Variants in TOP2A observed in about 807,000 individuals in gnomAD.
TOP2A encodes DNA topoisomerase 2-alpha.
Under a neutral mutation model 187.2 loss-of-function variants are expected in TOP2A, and 68 were observed. That is an observed-to-expected ratio of 0.36 (90% CI 0.30 to 0.44). The LOEUF (loss-of-function observed/expected upper bound fraction) is 0.44, where lower values mean the gene tolerates loss of function less well. Among genes scored for constraint, TOP2A ranks in the 20% least tolerant of loss-of-function variants. The pLI, the probability that TOP2A is intolerant of heterozygous loss-of-function variation, is 1.00. For missense variants in TOP2A, 1,196 were observed against 1,808.7 expected (o/e 0.66, Z 6.14); for synonymous variants, 542 against 593.2 (o/e 0.91, Z 1.25).
intron 16 of TOP2A, among the ~76,000 whole-genome samples, chr17:40,405,775 CT>C (rs200680545): frequency 4.1e-5 from 6 of 145,530 alleles, no homozygotes; most frequent in Admixed American, 1.4e-4. Context: ...GGCCTTTTTC[CT>C]TTTTTTTTGA....
intron 2 of TOP2A, 22 bp from the exon 3 acceptor site, chr17:40,416,534 A>G: frequency 6.5e-7 from 1 of 1,529,448 alleles, no homozygotes; most frequent in Non-Finnish European, 9.0e-7. Context: ...GCAAAGAAAT[A>G]CTGTTATTTT....
At chr17:40,416,962 C>A (rs1598621768) in intron 1 of TOP2A, 67 bp from the exon 2 acceptor site, 1 of 1,350,762 alleles carries the variant, frequency 7.4e-7, no homozygotes, top group East Asian at 2.3e-5. Flanking sequence ...AAACTAGGAA[C>A]AAAATGCCTA....
At chr17:40,409,518 G>C (rs1175183279) in intron 10 of TOP2A, 2 of 437,426 alleles carry the variant, frequency 4.6e-6, no homozygotes, top group Non-Finnish European at 9.1e-6. Context: ...CAGCACTTTA[G>C]GAGGCCGAGG....
At chr17:40,408,416 T>C in intron 11 of TOP2A, 76 bp downstream of exon 11, 2 of 1,397,938 alleles carry the variant, frequency 1.4e-6, no homozygotes, top group South Asian at 2.8e-5. Flanking sequence ...GAAAAATAAA[T>C]ATCCGTGGTA....
In TOP2A at chr17:40,411,516, A is replaced by T; in HGVS notation, c.964-61T>A. ...ATCCTCAAAATTATAATAATCAAACATTAAAAACTAATTTAACCTCCTTTA... is the reference window on the plus strand; with the variant it reads ...ATCCTCAAAATTATAATAATCAAACTTTAAAAACTAATTTAACCTCCTTTA... On this transcript the variant is annotated intron_variant, in intron 8 of 34. Coordinates refer to ENST00000423485, the MANE Select transcript of TOP2A (RefSeq NM_001067.4). The surrounding 1 kb of genome is among the most constrained non-coding windows in gnomAD (Gnocchi z 4.4). 1 of 1,578,606 alleles carries T rather than the reference A, an allele frequency of 6.3e-7. No individual in the cohort carries two copies. Among genetic ancestry groups the T allele is most frequent in the Non-Finnish European group, 8.7e-7 (1 of 1,148,132 alleles).
In TOP2A at chr17:40,401,753, A is replaced by C. The variant is rs147906362; in HGVS notation, c.2433-672T>G. Among the ~76,000 whole-genome samples the C allele has an allele frequency of 3.3e-3, 500 of 152,174 alleles. 2 individuals carry two copies. Among genetic ancestry groups the C allele is most frequent in the African/African-American group, 0.012 (479 of 41,544 alleles). On this transcript the variant is annotated intron_variant, in intron 20 of 34. Transcript: ENST00000423485. Reference sequence around the variant, plus strand: ...AAAAAACAAACTGAGGGACTGAACCATGTGGATATCTAGAGAAAGAGTGTT... The same window carrying C: ...AAAAAACAAACTGAGGGACTGAACCCTGTGGATATCTAGAGAAAGAGTGTT...
intron 6 of TOP2A, 57 bp downstream of exon 6, chr17:40,413,138 A>G (rs1268587784): frequency 2.9e-6 from 4 of 1,363,712 alleles, no homozygotes; most frequent in Non-Finnish European, 2.0e-6. Flanking sequence ...TAATGCCATT[A>G]TAAATGGCTA....
Position 40,392,720 on chromosome 17 carries a change from GTTTC to G in TOP2A, c.3825_3828del (p.Lys1275AsnfsTer94). On this transcript the variant is annotated frameshift_variant, in exon 30 of 35. Coordinates refer to ENST00000423485, the MANE Select transcript of TOP2A (RefSeq NM_001067.4). LOFTEE classifies it high-confidence loss of function. ...ATTGGCTTAAATGCCAATGTAGTTT[GTTTC>G]TTTGTCTTTGTACCTAGAGGGGAGA... 1.2e-6 allele frequency: 2 copies of G among 1,610,584 alleles called. No individual in the cohort carries two copies. Among genetic ancestry groups the G allele is most frequent in the Non-Finnish European group, 8.5e-7 (1 of 1,179,330 alleles).
rs1236921603 is a variant in TOP2A at position 40,402,897 on chromosome 17, C to T, written c.2432+9G>A. 4 of 1,583,338 alleles carry T rather than the reference C, an allele frequency of 2.5e-6. No homozygotes were observed. Among genetic ancestry groups the T allele is most frequent in the Non-Finnish European group, 3.4e-6 (4 of 1,162,404 alleles). On this transcript the variant is annotated intron_variant, in intron 20 of 34. Coordinates refer to ENST00000423485, the MANE Select transcript of TOP2A (RefSeq NM_001067.4). ...ATGGCAAGTCACTAGAAAGTGAAAG[C>T]ATACCTACCTGAGCATTGTAAAGAT...
At chr17:40,407,061 C>G (rs764119543) in intron 13 of TOP2A, 119 bp from the exon 14 acceptor site, 3 of 677,856 alleles carry the variant, frequency 4.4e-6, no homozygotes, top group Non-Finnish European at 7.5e-6. Flanking sequence ...GTCAGGCGTT[C>G]GAGACCAGCC....
chr17:40,400,774 T>A, intron 21 of TOP2A, 76 bp downstream of exon 21: 1 of 1,536,622 alleles, frequency 6.5e-7, no homozygotes, highest in Non-Finnish European at 8.9e-7. Context: ...TATGTTTGCA[T>A]CATCTTTAAT....
At position 40,416,510 on chromosome 17, in the gene TOP2A, T is replaced by G; in HGVS notation, c.180A>C (p.Gln60His). 2 of 1,596,842 alleles carry G rather than the reference T, an allele frequency of 1.3e-6. No homozygotes were observed. Among genetic ancestry groups the G allele is most frequent in the Non-Finnish European group, 1.7e-6 (2 of 1,169,024 alleles). Reference protein sequence around the residue: ...YIGSVELVTQQMWVYDEDVGI... With the variant: ...YIGSVELVTQHMWVYDEDVGI... ...CAACATCTTCATCGTAAACCCACAT[T>G]TGCTAGAAATAAGGCAAAGAAATAC... Residue 60 changes from glutamine (Q) to histidine (H), a missense_variant and splice_region_variant, in exon 3 of 35, where the codon CAA becomes CAC. Gln to His is a conservative substitution (Grantham distance 24). Coordinates refer to ENST00000423485, the MANE Select transcript of TOP2A (RefSeq NM_001067.4).
rs2035253718 is a variant in TOP2A at position 40,406,922 on chromosome 17, G to A, written c.1647C>T (p.Ile549=). The change falls in exon 14 of 35, where the codon ATC becomes ATT. Residue 549 remains isoleucine, a synonymous_variant. Coordinates refer to ENST00000423485, the MANE Select transcript of TOP2A (RefSeq NM_001067.4). The stretch of plus-strand genomic sequence containing the variant: ...GGATAAAATTAATCAGCAAGCCTTT[G>A]ATGTGGGAACCATCTTGGTCCTAGA... ...MTDQDQDGSH[I]KGLLINFIHH... The A allele has an allele frequency of 1.2e-6, 2 of 1,600,540 alleles. No homozygotes were observed. Among genetic ancestry groups the A allele is most frequent in the South Asian group, 2.2e-5 (2 of 89,018 alleles).
Position 40,401,075 on chromosome 17 carries a change from C to T in TOP2A, c.2439G>A (p.Leu813=). Residue 813 remains leucine (L), a synonymous_variant, in exon 21 of 35, where the codon TTG becomes TTA. Transcript: ENST00000423485. ...CTTTTGGTGGAAATAACAATCGAGC[C>T]AAAGAGCTAAAGAAAAGAAACAAAG... ...PRYIFTMLSS[L]ARLLFPPKDD... is the part of the protein sequence containing the mutation. 1.9e-6 allele frequency: 3 copies of T among 1,611,408 alleles called. No individual in the cohort carries two copies. The highest frequency in any genetic ancestry group is 2.5e-6 in the Non-Finnish European group (3 of 1,178,710).
intron 33 of TOP2A, 59 bp downstream of exon 33, chr17:40,391,447 A>G (rs560278033): frequency 2.0e-6 from 3 of 1,493,586 alleles, no homozygotes; most frequent in African/African-American, 2.8e-5. Context: ...ATTGAAATAG[A>G]CACGTGGAAA....
At chr17:40,415,792 A>C (rs1274163716) in intron 4 of TOP2A, among the ~76,000 whole-genome samples, 1 of 152,234 alleles carries the variant, frequency 6.6e-6, no homozygotes, top group Non-Finnish European at 1.5e-5. Context: ...TAAAAAAATT[A>C]ACTAATTAAA....
At chr17:40,414,534 G>C (rs993030901) in intron 4 of TOP2A, among the ~76,000 whole-genome samples, 1 of 151,830 alleles carries the variant, frequency 6.6e-6, no homozygotes, top group Non-Finnish European at 1.5e-5. Context: ...TATACATCTC[G>C]TTCCCACTCA....
At chr17:40,405,296 C>T (rs1288842243) in intron 16 of TOP2A, among the ~76,000 whole-genome samples, 3 of 151,794 alleles carry the variant, frequency 2.0e-5, no homozygotes, top group Non-Finnish European at 4.4e-5. Flanking sequence ...ATTACAGGCA[C>T]GTGCCACCAC....
At position 40,403,023 on chromosome 17, in the gene TOP2A, G is replaced by C. The variant is rs2035200281; in HGVS notation, c.2315C>G (p.Ala772Gly). 1 of 1,600,784 alleles carries C rather than the reference G, an allele frequency of 6.2e-7. No homozygotes were observed. The highest frequency in any genetic ancestry group is 8.5e-7 in the Non-Finnish European group (1 of 1,173,080). Residue 772 changes from alanine (A) to glycine (G), a missense_variant, in exon 20 of 35, where the codon GCT becomes GGT. Ala to Gly is a moderately conservative substitution (Grantham distance 60). Coordinates refer to ENST00000423485, the MANE Select transcript of TOP2A (RefSeq NM_001067.4). ...ATTATTGCTACCCACAAAATTCTGA[G>C]CCAAATTGATAATGGTCATCATTAG... ...MSLMMTIINL[A>G]QNFVGSNNLN...
Sources: allele counts gnomAD v4.1 joint callset (sites outside exome capture counted in the v4.1 genomes callset), GRCh38; gene constraint gnomAD v4.1.1; non-coding constraint Gnocchi (gnomAD v3.1); transcripts MANE v1.5; gene names NCBI Gene and HGNC (gene_info 2026-07-23, HGNC 2026-07-21).